Variants in LAMA1 observed in about 807,000 individuals in gnomAD.
The protein encoded by LAMA1 is laminin subunit alpha 1.
In LAMA1, 219 loss-of-function variants were observed where a neutral mutation model predicts 348.7. The observed-to-expected ratio is 0.63, with a 90% CI of 0.56 to 0.70. LAMA1 has a LOEUF of 0.70. Ranked by LOEUF, LAMA1 falls within the 30% of genes least tolerant of loss-of-function variation. The pLI is 0.00. For missense variants in LAMA1, 3,744 were observed against 3,888.0 expected (o/e 0.96, Z 0.99); for synonymous variants, 1,487 against 1,491.0 (o/e 1.00, Z 0.06).
intron 35 of LAMA1, 70 bp from the exon 36 acceptor site, chr18:6,992,790 A>T: frequency 7.4e-7 from 1 of 1,342,320 alleles, no homozygotes; most frequent in Non-Finnish European, 1.1e-6. Context: ...AAGAACTTAG[A>T]AACTTCTCTG....
intron 55 of LAMA1, among the ~76,000 whole-genome samples, chr18:6,957,900 C>A (rs1406853418): frequency 1.3e-5 from 2 of 152,142 alleles, no homozygotes; most frequent in Non-Finnish European, 2.9e-5. Context: ...CCTGCCTCAG[C>A]CTCCGGAGTA....
intron 29 of LAMA1, among the ~76,000 whole-genome samples, chr18:7,004,361 T>A (rs1007734184): frequency 2.6e-5 from 4 of 151,334 alleles, no homozygotes; most frequent in African/African-American, 7.3e-5. Context: ...ATCAATCACT[T>A]TTTTTTTTGA....
chr18:7,050,663 CAG>C (rs778456953), intron 4 of LAMA1, 29 bp downstream of exon 4: 315 of 1,612,678 alleles, frequency 2.0e-4, no homozygotes, highest in Non-Finnish European at 1.9e-4. Flanking sequence ...GATGAGGAAA[CAG>C]ATCTTGCTGC....
At position 6,959,472 on chromosome 18, in the gene LAMA1, C is replaced by A. The variant is rs1270329743; in HGVS notation, c.7647G>T (p.Leu2549=). The A allele has an allele frequency of 1.2e-6, 2 of 1,614,044 alleles. No individual in the cohort carries two copies. The highest frequency in any genetic ancestry group is 1.7e-6 in the Non-Finnish European group (2 of 1,180,056). The change falls in exon 54 of 63, where the codon CTG becomes CTT. Residue 2549 remains leucine, a synonymous_variant. Transcript: ENST00000389658. ...CATGTACCTCAATGTTGCCTCCGATCAGCATGACGGAAAAGAAGGGCTGGG... is the reference window on the plus strand; with the variant it reads ...CATGTACCTCAATGTTGCCTCCGATAAGCATGACGGAAAAGAAGGGCTGGG... ...EAHVPFFSVM[L]IGGNIEVHVN... is the part of the protein sequence containing the mutation.
chr18:6,956,744 T>C lies in LAMA1; in HGVS notation c.7986A>G (p.Ala2662=), dbSNP rs1227745834. Residue 2662 remains alanine (A), a synonymous_variant, in exon 56 of 63, where the codon GCA becomes GCG. Transcript: ENST00000389658. ...FNLELLDFNS[A]VGHEQVDLDT... is the part of the protein sequence containing the mutation. ...CCAGGTCGACTTGCTCATGGCCAAC[T>C]GCACTGTTGAAATCCAAAAGTCTAG... 6.2e-7 allele frequency: 1 copy of C among 1,614,212 alleles called. No individual in the cohort carries two copies. The highest frequency in any genetic ancestry group is 8.5e-7 in the Non-Finnish European group (1 of 1,180,040).
intron 1 of LAMA1, among the ~76,000 whole-genome samples, chr18:7,080,676 G>C (rs1386509850): frequency 2.0e-5 from 3 of 152,182 alleles, no homozygotes; most frequent in Non-Finnish European, 1.5e-5. Context: ...CATTGTTGCA[G>C]GGGGTGGGGA....
At position 7,044,819 on chromosome 18, in the gene LAMA1, C is replaced by A; in HGVS notation, c.879G>T (p.Glu293Asp). ...ETTKKLQCQC[E>D]HNTCGESCNR... ...TACAGCTCTCCCCGCAAGTATTATGCTCACATTGACACTGCAGTTTCTACA... is the reference window on the plus strand; with the variant it reads ...TACAGCTCTCCCCGCAAGTATTATGATCACATTGACACTGCAGTTTCTACA... The change falls in exon 7 of 63, where the codon GAG (glutamate) becomes GAT (aspartate). Residue 293 changes from glutamate (E) to aspartate (D), a missense_variant. Transcript: ENST00000389658. 6.2e-7 allele frequency: 1 copy of A among 1,613,942 alleles called. No homozygotes were observed. Among genetic ancestry groups the A allele is most frequent in the South Asian group, 1.1e-5 (1 of 91,078 alleles).
At chr18:6,972,105 A>G (rs888469160) in intron 47 of LAMA1, 124 bp from the exon 48 acceptor site, 34 of 1,183,876 alleles carry the variant, frequency 2.9e-5, no homozygotes, top group Non-Finnish European at 3.8e-5. Flanking sequence ...TGAGAGAGCC[A>G]CATTAGAAAA....
At chr18:6,983,024 A>G in intron 40 of LAMA1, 75 bp downstream of exon 40, 1 of 1,584,814 alleles carries the variant, frequency 6.3e-7, no homozygotes, top group East Asian at 2.2e-5. Context: ...AATTGGGGCC[A>G]CTGAATCTCT....
rs763794402 is a variant in LAMA1 at position 7,002,343 on chromosome 18, T to C, written c.4303A>G (p.Thr1435Ala). 8 of 1,613,798 alleles carry C rather than the reference T, an allele frequency of 5.0e-6. No homozygotes were observed. Among genetic ancestry groups the C allele is most frequent in the Admixed American group, 1.7e-5 (1 of 60,018 alleles). ...GTCACCTTCCCGTAGTAGCCAGAAG[T>C]ACACACATCACAATGGTCACCTGCT... ...NTAGDHCDVCTSGYYGKVTGS... is the reference protein window; with the variant it reads ...NTAGDHCDVCASGYYGKVTGS... Residue 1435 changes from threonine (T) to alanine (A), a missense_variant, in exon 30 of 63, where the codon ACT becomes GCT. By Grantham distance (58) the Thr-to-Ala change is moderately conservative. This residue lies in a region of LAMA1 where 1,983 missense variants were observed against 1,934.3 expected (regional missense o/e 1.03). Transcript: ENST00000389658.
At chr18:6,992,471 T>C in intron 36 of LAMA1, 90 bp downstream of exon 36, 2 of 1,440,616 alleles carry the variant, frequency 1.4e-6, no homozygotes, top group Non-Finnish European at 2.0e-6. Flanking sequence ...GTGAGCACTT[T>C]TCTTCCACGA....
In LAMA1 at chr18:6,958,616, A is replaced by G. The variant is rs2057592002; in HGVS notation, c.7825T>C (p.Leu2609=). 2.5e-6 allele frequency: 4 copies of G among 1,614,178 alleles called. No individual in the cohort carries two copies. Among genetic ancestry groups the G allele is most frequent in the Non-Finnish European group, 3.4e-6 (4 of 1,180,006 alleles). The change falls in exon 55 of 63, where the codon TTG becomes CTG. Residue 2609 remains leucine, a synonymous_variant. Transcript: ENST00000389658. Reference sequence around the variant, plus strand: ...GTCCTGCTTTCTACTAATGTGCCCAACTTCATTTCCACAGGATTGTTCTCA... The same window carrying G: ...GTCCTGCTTTCTACTAATGTGCCCAGCTTCATTTCCACAGGATTGTTCTCA... ...LDENNPVEMK[L]GTLVESRTIN...
chr18:7,069,485 G>A (rs1185680859), intron 3 of LAMA1, among the ~76,000 whole-genome samples: 7 of 152,204 alleles, frequency 4.6e-5, no homozygotes, highest in South Asian at 4.2e-4. Context: ...CCCCTCCTCC[G>A]GTTGACGGGT....
intron 17 of LAMA1, 107 bp downstream of exon 17, chr18:7,025,872 T>C: frequency 6.8e-7 from 1 of 1,468,104 alleles, no homozygotes; most frequent in Non-Finnish European, 9.3e-7. Flanking sequence ...CTGGGCAAAA[T>C]TCACACACGT....
At chr18:7,032,303 T>G (rs968487667) in intron 15 of LAMA1, 127 bp from the exon 16 acceptor site, 2 of 712,640 alleles carry the variant, frequency 2.8e-6, no homozygotes, top group Admixed American at 2.0e-5. Context: ...TGCTACACAA[T>G]TCACCCATTT....
At chr18:7,068,719 T>A (rs897989108) in intron 3 of LAMA1, among the ~76,000 whole-genome samples, 5 of 152,072 alleles carry the variant, frequency 3.3e-5, no homozygotes, top group African/African-American at 1.2e-4. Flanking sequence ...AGCCATGTTT[T>A]AAAAACGTTG....
At chr18:6,987,341 T>C (rs1327057421) in intron 36 of LAMA1, among the ~76,000 whole-genome samples, 1 of 152,200 alleles carries the variant, frequency 6.6e-6, no homozygotes, top group Non-Finnish European at 1.5e-5. Context: ...AGTGATTTGT[T>C]AAGAATTTAC....
intron 62 of LAMA1, among the ~76,000 whole-genome samples, chr18:6,942,556 G>A (rs1175754951): frequency 1.3e-5 from 2 of 151,898 alleles, no homozygotes; most frequent in South Asian, 4.2e-4. Context: ...TGGGGTTACA[G>A]GCACCCGTCA....
At position 7,044,796 on chromosome 18, in the gene LAMA1, C is replaced by T; in HGVS notation, c.902G>A (p.Cys301Tyr). The change falls in exon 7 of 63, where the codon TGT becomes TAT. Residue 301 changes from cysteine to tyrosine, a missense_variant. Physicochemically the swap from Cys to Tyr is radical, Grantham distance 194. Around this residue, in one of 3 missense-constraint regions of LAMA1, gnomAD observed 1,529 missense variants for 1,689.4 expected, o/e 0.91. Coordinates refer to ENST00000389658, the MANE Select transcript of LAMA1 (RefSeq NM_005559.4). ...QCEHNTCGES[C>Y]NRCCPGYHQQ... is the part of the protein sequence containing the mutation. ...ATGGTACCCAGGACAGCACCTGTTA[C>T]AGCTCTCCCCGCAAGTATTATGCTC... The T allele has an allele frequency of 6.2e-7, 1 of 1,614,182 alleles. No individual in the cohort carries two copies. Among genetic ancestry groups the T allele is most frequent in the South Asian group, 1.1e-5 (1 of 91,082 alleles).
Sources: gnomAD v4.1 joint callset for allele counts (sites outside exome capture counted in the v4.1 genomes callset) on GRCh38, gnomAD v4.1.1 for gene constraint, gnomAD v4.1.1 regional missense constraint, MANE v1.5 for transcripts, NCBI Gene and HGNC (gene_info 2026-07-23, HGNC 2026-07-21) for gene names.